SEM1: variants seen among roughly 807,000 people sequenced by gnomAD.
The protein encoded by SEM1 is 26S proteasome complex subunit SEM1.
SEM1 carries 3 observed loss-of-function variants against 12.7 expected under a neutral mutation model. The observed-to-expected ratio is 0.24, with a 90% CI of 0.11 to 0.61. SEM1 has a LOEUF of 0.61. SEM1 is among the 20% of genes least tolerant of loss of function. The pLI is 0.88. For synonymous variants in SEM1, 30 were observed against 27.8 expected (o/e 1.08, Z -0.25); for missense variants, 59 against 81.3 (o/e 0.73, Z 1.06).
At chr7:96,543,093 T>G (rs568235989) in intron 2 of SEM1, among the ~76,000 whole-genome samples, 4 of 151,978 alleles carry the variant, frequency 2.6e-5, no homozygotes, top group South Asian at 2.1e-4. Flanking sequence ...ATGGATTTTT[T>G]TGTGTGTGTA....
At position 96,643,211 on chromosome 7, in the gene SEM1, T is replaced by C. The variant is rs533670215; in HGVS notation, c.171-20568A>G. ...AGTGAGAACGTGCAGTATTTGGTTT[T>C]CTGTTGCTGCTTTAGTTTGCTAAAG... is the stretch of plus-strand genomic sequence containing the variant. On this transcript the variant is annotated intron_variant, in intron 2 of 2. Transcript: ENST00000417009. Among the ~76,000 whole-genome samples, 19 of 152,280 alleles carry C rather than the reference T, an allele frequency of 1.2e-4. No homozygotes were observed. The South Asian group carries it at 3.5e-3, about 28-fold the overall frequency.
At position 96,486,085 on chromosome 7, in the gene SEM1, G is replaced by A. The variant is rs73388984; in HGVS notation, c.227+118C>T. On this transcript the variant is annotated intron_variant, in intron 2 of 3. Coordinates refer to the SEM1 transcript ENST00000356686. Reference sequence around the variant, plus strand: ...GGAAAATATCACGTGTAAAGATCACGGTTGAGTATGTCACAATGTTGCTGG... The same window carrying A: ...GGAAAATATCACGTGTAAAGATCACAGTTGAGTATGTCACAATGTTGCTGG... The A allele has an allele frequency of 2.4e-3, 1,678 of 690,858 alleles. 12 individuals carry two copies. The African/African-American group carries it at 0.025, about 10-fold the overall frequency. The allele number at this position is 690,858 out of a possible 1,614,324, so 42.8% of individuals were successfully genotyped here.
chr7:96,648,536 C>T (rs1014292786), intron 2 of SEM1, among the ~76,000 whole-genome samples: 3 of 152,174 alleles, frequency 2.0e-5, no homozygotes, highest in Admixed American at 2.0e-4. Flanking sequence ...GTATCTGTGG[C>T]ACAACCATAG....
chr7:96,513,757 A>T (rs868305359), intron 2 of SEM1, among the ~76,000 whole-genome samples: 5 of 152,094 alleles, frequency 3.3e-5, no homozygotes, highest in African/African-American at 1.2e-4. Context: ...TGAAACCAGG[A>T]GGCAGAGGTT....
intron 2 of SEM1, among the ~76,000 whole-genome samples, chr7:96,609,243 C>T (rs1384856272): frequency 6.6e-6 from 1 of 152,118 alleles, no homozygotes; most frequent in Non-Finnish European, 1.5e-5. Flanking sequence ...GCTTCTTAAT[C>T]CAGTGATGCA....
At chr7:96,538,332 C>T (rs1322910657) in intron 2 of SEM1, among the ~76,000 whole-genome samples, 1 of 151,766 alleles carries the variant, frequency 6.6e-6, no homozygotes, top group African/African-American at 2.4e-5. Flanking sequence ...TGTTTTGTCT[C>T]TTCAGACTAT....
rs569344559 is a variant in SEM1, at chr7:96,694,688, C to A, written c.170+110G>T. The A allele has an allele frequency of 2.6e-5, 18 of 690,270 alleles. No individual in the cohort carries two copies. In the Admixed American group the frequency reaches 3.6e-4, roughly 14 times the overall value. The allele number at this position is 690,270 out of a possible 1,614,324, so 42.8% of individuals were successfully genotyped here. On this transcript the variant is annotated intron_variant, in intron 2 of 2. Transcript: ENST00000248566. ...TGTCTTACTTTACACAGTTCAAAAA[C>A]CTATTTCAAAGATTAAGTAGCTTTT... is the stretch of plus-strand genomic sequence containing the variant.
chr7:96,622,667 A>G, intron 2 of SEM1: 2 of 763,344 alleles, frequency 2.6e-6, no homozygotes, highest in Non-Finnish European at 4.8e-6. Context: ...AAAGTAGGTG[A>G]AGGTTTTCTT....
intron 2 of SEM1, among the ~76,000 whole-genome samples, chr7:96,597,749 A>T (rs1303324778): frequency 6.6e-6 from 1 of 151,852 alleles, no homozygotes; most frequent in African/African-American, 2.4e-5. Context: ...TGGTTAAAGG[A>T]TCTAAAACTG....
chr7:96,573,212 G>A (rs1806097243), intron 2 of SEM1, among the ~76,000 whole-genome samples: 1 of 151,426 alleles, frequency 6.6e-6, no homozygotes, highest in Non-Finnish European at 1.5e-5. Context: ...CCTGAATATA[G>A]CACACTGATG....
chr7:96,601,114 A>T (rs1807185497), intron 2 of SEM1, among the ~76,000 whole-genome samples: 1 of 152,170 alleles, frequency 6.6e-6, no homozygotes, highest in Non-Finnish European at 1.5e-5. Flanking sequence ...TTTGGCCCAC[A>T]CACTTTGTAT....
At chr7:96,516,979 T>A (rs1377960884) in intron 2 of SEM1, among the ~76,000 whole-genome samples, 3 of 152,140 alleles carry the variant, frequency 2.0e-5, no homozygotes, top group Non-Finnish European at 4.4e-5. Flanking sequence ...CTGAAAAGCC[T>A]ACATACTGTA....
intron 2 of SEM1, among the ~76,000 whole-genome samples, chr7:96,629,235 G>A (rs961227522): frequency 1.4e-4 from 21 of 152,068 alleles, no homozygotes; most frequent in East Asian, 5.8e-4. Context: ...CTTTCTACCC[G>A]TCTTTTTCTC....
chr7:96,614,230 CTATT>C (rs1474871721), intron 2 of SEM1, among the ~76,000 whole-genome samples: 1 of 152,134 alleles, frequency 6.6e-6, no homozygotes, highest in Non-Finnish European at 1.5e-5. Context: ...GTGAATTTAT[CTATT>C]TATCTCCTTA....
At chr7:96,650,679 T>G (rs1053238085) in intron 2 of SEM1, among the ~76,000 whole-genome samples, 1 of 141,670 alleles carries the variant, frequency 7.1e-6, no homozygotes, top group African/African-American at 3.1e-5. Context: ...CACACACAGA[T>G]GCGCGCACAC....
At chr7:96,485,482 T>A (rs1802713966) in intron 2 of SEM1, among the ~76,000 whole-genome samples, 1 of 151,542 alleles carries the variant, frequency 6.6e-6, no homozygotes, top group Admixed American at 6.6e-5. Context: ...AAGGCCCTTG[T>A]GATTGCTTTG....
intron 2 of SEM1, among the ~76,000 whole-genome samples, chr7:96,658,163 T>C (rs372207568): frequency 4.3e-4 from 66 of 152,250 alleles, no homozygotes; most frequent in African/African-American, 1.5e-3. Flanking sequence ...TGTGATTCAG[T>C]GGCCTGCAAC....
At chr7:96,708,037 T>G (rs1455711140) in intron 1 of SEM1, 1 of 152,232 alleles carries the variant, frequency 6.6e-6, no homozygotes, top group Non-Finnish European at 1.5e-5. Flanking sequence ...CTCAAGGTGA[T>G]AGTGATAATT....
At position 96,574,790 on chromosome 7, in the gene SEM1, G is replaced by A. The variant is rs115590071; in HGVS notation, c.171-68092C>T. Among the ~76,000 whole-genome samples the A allele has an allele frequency of 3.2e-3, 482 of 152,106 alleles. 5 individuals are homozygous for A. Among genetic ancestry groups the A allele is most frequent in the African/African-American group, 0.011 (459 of 41,484 alleles). On this transcript the variant is annotated intron_variant and NMD_transcript_variant, in intron 2 of 3. Transcript: ENST00000466986. ...TTTATGTATGCTTCATGAAGTTCTC[G>A]TGCTGTGTTTTGCAGTTCCATCATG...
Sources: gnomAD v4.1 joint callset for allele counts (sites outside exome capture counted in the v4.1 genomes callset) on GRCh38, gnomAD v4.1.1 for gene constraint, MANE v1.5 for transcripts, NCBI Gene and HGNC (gene_info 2026-07-23, HGNC 2026-07-21) for gene names.